Variants in LRRC69 observed in about 807,000 individuals in gnomAD.
LRRC69 encodes the protein leucine-rich repeat-containing protein 69.
In LRRC69, 42 loss-of-function variants were observed where a neutral mutation model predicts 37.8. The observed-to-expected ratio is 1.11, with a 90% CI of 0.87 to 1.44. The LOEUF (loss-of-function observed/expected upper bound fraction) is 1.44, where lower values mean the gene tolerates loss of function less well. Among genes scored for constraint, LRRC69 ranks in the 40% most tolerant of loss-of-function variants. The pLI is 0.00. For synonymous variants in LRRC69, 141 were observed against 143.1 expected (o/e 0.99, Z 0.11); for missense variants, 357 against 401.9 (o/e 0.89, Z 0.96).
chr8:91,158,154 T>C, intron 5 of LRRC69: 6 of 1,603,392 alleles, frequency 3.7e-6, no homozygotes, highest in Non-Finnish European at 5.1e-6. Flanking sequence ...CTATGGAAAA[T>C]CCCAGAAAGA....
intron 5 of LRRC69, among the ~76,000 whole-genome samples, chr8:91,140,091 CAA>C (rs560827789): frequency 0.63 from 71,926 of 114,570 alleles, 19,833 homozygotes; most frequent in South Asian, 0.68. Context: ...AACTCCGTCT[CAA>C]AAAAAAAAAA....
chr8:91,197,798 C>A (rs534476174), intron 6 of LRRC69, among the ~76,000 whole-genome samples: 2 of 152,106 alleles, frequency 1.3e-5, no homozygotes, highest in East Asian at 3.9e-4. Flanking sequence ...AGAAATCACC[C>A]GTCTTCTGTG....
chr8:91,176,953 G>A (rs1413830947), intron 5 of LRRC69, among the ~76,000 whole-genome samples: 1 of 151,642 alleles, frequency 6.6e-6, no homozygotes, highest in African/African-American at 2.4e-5. Context: ...CAGTAAATAA[G>A]TTTAAATATA....
intron 7 of LRRC69, 76 bp downstream of exon 7, chr8:91,200,868 C>T: frequency 7.6e-7 from 1 of 1,319,722 alleles, no homozygotes; most frequent in Non-Finnish European, 1.0e-6. Context: ...TCAGTTAATA[C>T]TAACTAGATT....
intron 5 of LRRC69, among the ~76,000 whole-genome samples, chr8:91,179,718 C>T (rs1273391942): frequency 2.0e-5 from 3 of 152,116 alleles, no homozygotes; most frequent in African/African-American, 7.2e-5. Flanking sequence ...GATAATCAAG[C>T]ATTTATTGAA....
At chr8:91,119,223 T>C (rs1813572061) in intron 1 of LRRC69, among the ~76,000 whole-genome samples, 1 of 152,076 alleles carries the variant, frequency 6.6e-6, no homozygotes, top group African/African-American at 2.4e-5. Context: ...AACTCTATCC[T>C]TGCTACAGTG....
chr8:91,158,539 C>A lies in LRRC69; in HGVS notation c.651+22800C>A. ...ATGGGCGATGAAATAGACTTACACACTGTACATTTTCACGGCCATAGCTTC... is the reference window on the plus strand; with the variant it reads ...ATGGGCGATGAAATAGACTTACACAATGTACATTTTCACGGCCATAGCTTC... On this transcript the variant is annotated intron_variant, in intron 5 of 7. Transcript: ENST00000448384. 5 of 1,142,918 alleles carry A rather than the reference C, an allele frequency of 4.4e-6. No homozygotes were observed. The South Asian group carries it at 6.1e-5, about 14-fold the overall frequency. 70.8% of individuals were successfully genotyped at this position (1,142,918 alleles called of 1,614,324 possible).
At chr8:91,218,377 T>A (rs1256176367) in intron 7 of LRRC69, among the ~76,000 whole-genome samples, 1 of 152,220 alleles carries the variant, frequency 6.6e-6, no homozygotes, top group African/African-American at 2.4e-5. Context: ...GTACAAAAAT[T>A]TAATTCATGT....
intron 7 of LRRC69, among the ~76,000 whole-genome samples, chr8:91,213,856 T>A (rs1026884584): frequency 2.0e-5 from 3 of 152,040 alleles, no homozygotes; most frequent in African/African-American, 4.8e-5. Flanking sequence ...ATCAGTTAGG[T>A]TGGTTTGTGG....
At chr8:91,204,932 G>A (rs1473644182) in intron 7 of LRRC69, among the ~76,000 whole-genome samples, 1 of 152,142 alleles carries the variant, frequency 6.6e-6, no homozygotes, top group African/African-American at 2.4e-5. Flanking sequence ...TAACTTGAAT[G>A]AATAATACAA....
At chr8:91,214,565 T>C (rs1810003872) in intron 7 of LRRC69, among the ~76,000 whole-genome samples, 1 of 152,164 alleles carries the variant, frequency 6.6e-6, no homozygotes, top group African/African-American at 2.4e-5. Context: ...ATCTTGTCTC[T>C]ACCTTGAAAT....
At chr8:91,158,120 T>C in intron 5 of LRRC69, 1 of 1,570,642 alleles carries the variant, frequency 6.4e-7, no homozygotes, top group South Asian at 1.1e-5. Context: ...TATTCCAGCA[T>C]TACCAGGTGA....
At position 91,133,237 on chromosome 8, in the gene LRRC69, G is replaced by T; in HGVS notation, c.511G>T (p.Glu171Ter). Residue 171 changes from glutamate to a stop codon, truncating the protein, a stop_gained, in exon 4 of 8, where the codon GAG becomes TAG. Coordinates refer to ENST00000448384, the Ensembl canonical transcript of LRRC69. LOFTEE classifies it high-confidence loss of function. ...CAATCAGCTGATATGCATACCTGAAGAGATTAAATTCTTGAAGAAGCTTCA... is the reference window on the plus strand; with the variant it reads ...CAATCAGCTGATATGCATACCTGAATAGATTAAATTCTTGAAGAAGCTTCA... The T allele has an allele frequency of 6.5e-7, 1 of 1,528,150 alleles. No homozygotes were observed. The highest frequency in any genetic ancestry group is 1.3e-5 in the South Asian group (1 of 78,980). The allele number at this position is 1,528,150 out of a possible 1,614,324, so 94.7% of individuals were successfully genotyped here. A position where few individuals can be genotyped will look rare whatever the true frequency, so the allele number is the denominator to read the frequency against.
intron 5 of LRRC69, among the ~76,000 whole-genome samples, chr8:91,141,771 A>C (rs1348989383): frequency 6.6e-6 from 1 of 152,074 alleles, no homozygotes; most frequent in African/African-American, 2.4e-5. Context: ...AACTGGCATG[A>C]ATTAGCTTGA....
Position 91,154,341 on chromosome 8 carries a change from A to G in LRRC69, c.651+18602A>G, listed in dbSNP as rs552693185. On this transcript the variant is annotated intron_variant, in intron 5 of 7. Coordinates refer to ENST00000448384, the Ensembl canonical transcript of LRRC69. ...CCCATTCCTTCTGAAACTATTCCAA[A>G]TAATTCAAAAGGAGACACTCCTCCC... is the stretch of plus-strand genomic sequence containing the variant. 2.6e-5 allele frequency among the ~76,000 whole-genome samples: 4 copies of G among 151,630 alleles called. No individual in the cohort carries two copies. In the East Asian group the frequency reaches 7.7e-4, roughly 29 times the overall value.
chr8:91,214,067 G>A (rs1809990840), intron 7 of LRRC69, among the ~76,000 whole-genome samples: 1 of 152,104 alleles, frequency 6.6e-6, no homozygotes, highest in African/African-American at 2.4e-5. Context: ...ATAGTGTGCT[G>A]GCTTAGTTGA....
At chr8:91,145,736 T>C (rs1808608825) in intron 5 of LRRC69, among the ~76,000 whole-genome samples, 1 of 151,864 alleles carries the variant, frequency 6.6e-6, no homozygotes, top group Non-Finnish European at 1.5e-5. Flanking sequence ...GTTCCAAAAC[T>C]TGACTAAATG....
rs771986461 is a variant in LRRC69, at chr8:91,176,134, AT to A, written c.652-13376del. Among the ~76,000 whole-genome samples the A allele has an allele frequency of 1.1e-3, 85 of 75,702 alleles. 2 individuals carry two copies. The highest frequency in any genetic ancestry group is 3.4e-3 in the East Asian group (10 of 2,940). The allele number at this position is 75,702 out of a possible 152,430, so 49.7% of individuals were successfully genotyped here. Reference sequence around the variant, plus strand: ...ATCCCTCATATATATATATATATATATTTTTTTTTTTTCTTTTTTTTGAGAC... The same window carrying A: ...ATCCCTCATATATATATATATATATATTTTTTTTTTTCTTTTTTTTGAGAC... On this transcript the variant is annotated intron_variant, in intron 5 of 7. Transcript: ENST00000448384.
In LRRC69 at chr8:91,218,934, A is replaced by G. The variant is rs199975354; in HGVS notation, c.978A>G (p.Val326=). 4.1e-5 allele frequency: 63 copies of G among 1,550,948 alleles called. No individual in the cohort carries two copies. In the East Asian group the frequency reaches 1.4e-3, roughly 34 times the overall value. The change falls in exon 8 of 8, where the codon GTA becomes GTG. Residue 326 remains valine, a synonymous_variant. Transcript: ENST00000448384. Reference sequence around the variant, plus strand: ...ATCTGAAGCTGGTGCCTCTCCAAGTATTAATTTGTTCTTACAAATGTTTTA... The same window carrying G: ...ATCTGAAGCTGGTGCCTCTCCAAGTGTTAATTTGTTCTTACAAATGTTTTA...
Sources: gnomAD v4.1 joint callset for allele counts (sites outside exome capture counted in the v4.1 genomes callset) on GRCh38, gnomAD v4.1.1 for gene constraint, MANE v1.5 for transcripts, NCBI Gene and HGNC (gene_info 2026-07-23, HGNC 2026-07-21) for gene names.